Variants in LTBP1 observed in about 807,000 individuals in gnomAD.
The protein encoded by LTBP1 is latent transforming growth factor beta binding protein 1, also known as latent-transforming growth factor beta-binding protein 1.
LTBP1 carries 129 observed loss-of-function variants against 207.6 expected under a neutral mutation model. The observed-to-expected ratio is 0.62, with a 90% CI of 0.54 to 0.72. LTBP1 has a LOEUF of 0.72. Ranked by LOEUF, LTBP1 falls within the 30% of genes least tolerant of loss-of-function variation. LTBP1 has a pLI of 0.00. For missense variants in LTBP1, 2,281 were observed against 2,217.2 expected (o/e 1.03, Z -0.58); for synonymous variants, 963 against 833.7 (o/e 1.16, Z -2.67).
At chr2:33,310,445 C>T (rs1176702496) in intron 23 of LTBP1, among the ~76,000 whole-genome samples, 1 of 152,184 alleles carries the variant, frequency 6.6e-6, no homozygotes, top group Non-Finnish European at 1.5e-5. Context: ...TGAGCTTCTT[C>T]AGTGTGCTGA....
chr2:33,398,636 C>A lies in LTBP1; in HGVS notation c.*91C>A. ...TATACTTGAGACATTGCACCTACCC[C>A]GGAAGGCTGGAAATACAGAAACAGC... On this transcript the variant is annotated 3_prime_UTR_variant, in exon 34 of 34. Coordinates refer to ENST00000404816, the MANE Select transcript of LTBP1 (RefSeq NM_206943.4). 1.6e-6 allele frequency: 2 copies of A among 1,266,788 alleles called. No homozygotes were observed. The highest frequency in any genetic ancestry group is 2.5e-5 in the East Asian group (1 of 39,772). 78.5% of individuals were successfully genotyped at this position (1,266,788 alleles called of 1,614,324 possible).
chr2:33,078,885 A>T (rs1182035489), intron 3 of LTBP1, among the ~76,000 whole-genome samples: 2 of 74,054 alleles, frequency 2.7e-5, no homozygotes, highest in African/African-American at 3.8e-5. Context: ...TTTGAGACAG[A>T]GTCTCGCTCT....
chr2:33,135,673 G>C (rs1558684124), intron 5 of LTBP1, among the ~76,000 whole-genome samples: 1 of 152,124 alleles, frequency 6.6e-6, no homozygotes, highest in Non-Finnish European at 1.5e-5. Flanking sequence ...AAGCCTTGTT[G>C]GTTCATTTTG....
chr2:33,291,882 A>G (rs2148823547), intron 19 of LTBP1: 2 of 152,378 alleles, frequency 1.3e-5, no homozygotes, highest in South Asian at 2.1e-4. Flanking sequence ...TTAAGAGGGT[A>G]GAAAGCTTTG....
intron 21 of LTBP1, 121 bp from the exon 22 acceptor site, chr2:33,301,401 A>AT (rs1276102042): frequency 1.7e-6 from 2 of 1,194,272 alleles, no homozygotes; most frequent in Non-Finnish European, 2.3e-6. Flanking sequence ...GCGACAATAC[A>AT]TGATGGTCAT....
At chr2:33,223,802 G>T (rs2149450529) in intron 9 of LTBP1, among the ~76,000 whole-genome samples, 1 of 152,244 alleles carries the variant, frequency 6.6e-6, no homozygotes, top group African/African-American at 2.4e-5. Flanking sequence ...AACCAAGTTT[G>T]TGAAGGACCT....
At chr2:33,176,184 A>T (rs1443794361) in intron 5 of LTBP1, among the ~76,000 whole-genome samples, 1 of 151,558 alleles carries the variant, frequency 6.6e-6, no homozygotes, top group Non-Finnish European at 1.5e-5. Flanking sequence ...TAGAAAATAA[A>T]TAAAAAGAAA....
chr2:33,266,891 G>A (rs554830233), intron 15 of LTBP1, among the ~76,000 whole-genome samples: 3 of 152,264 alleles, frequency 2.0e-5, no homozygotes, highest in African/African-American at 7.2e-5. Context: ...TGACACAAAC[G>A]GGGCTGAAAC....
intron 24 of LTBP1, among the ~76,000 whole-genome samples, chr2:33,338,085 A>T (rs2094573492): frequency 6.6e-6 from 1 of 152,166 alleles, no homozygotes; most frequent in East Asian, 1.9e-4. Flanking sequence ...CTATTACCTC[A>T]CCTCATTGTT....
At position 33,016,636 on chromosome 2, in the gene LTBP1, C is replaced by T. The variant is rs180850459; in HGVS notation, c.566-4273C>T. 1.5e-3 allele frequency among the ~76,000 whole-genome samples: 236 copies of T among 152,282 alleles called. 2 individuals are homozygous for T. In the South Asian group the frequency reaches 0.029, roughly 18 times the overall value. On this transcript the variant is annotated intron_variant, in intron 2 of 33. Transcript: ENST00000404816. ...TGATAAGATCTTGATATAGCCTCCA[C>T]TCAGCCTCCACTCATCGAGCTGAAC... is the stretch of plus-strand genomic sequence containing the variant.
intron 7 of LTBP1, among the ~76,000 whole-genome samples, chr2:33,189,095 T>C (rs2087543010): frequency 6.6e-6 from 1 of 152,366 alleles, no homozygotes; most frequent in Admixed American, 6.5e-5. Context: ...TGAGATCATA[T>C]GGTCTGTGGA....
Position 32,948,910 on chromosome 2 carries a change from G to A in LTBP1, c.530G>A (p.Trp177Ter). 2 of 1,614,190 alleles carry A rather than the reference G, an allele frequency of 1.2e-6. No individual in the cohort carries two copies. Among genetic ancestry groups the A allele is most frequent in the Middle Eastern group, 1.6e-4 (1 of 6,062 alleles). Residue 177 changes from tryptophan (W) to a stop codon, truncating the protein, a stop_gained, in exon 2 of 34, where the codon TGG becomes TAG. Coordinates refer to ENST00000404816, the MANE Select transcript of LTBP1 (RefSeq NM_206943.4). LOFTEE classifies it high-confidence loss of function. ...NVCGGRCCHG[W>*]SKAPGSQRCT... The stretch of plus-strand genomic sequence containing the variant: ...TGTGGAGGGCGGTGCTGTCATGGCT[G>A]GAGTAAGGCCCCTGGCTCCCAGAGG...
chr2:33,207,422 A>G (rs2089967314), intron 7 of LTBP1, among the ~76,000 whole-genome samples: 1 of 152,202 alleles, frequency 6.6e-6, no homozygotes, highest in Non-Finnish European at 1.5e-5. Context: ...AGCCTGAAAT[A>G]TCAGAGGATT....
intron 2 of LTBP1, among the ~76,000 whole-genome samples, chr2:32,989,704 AT>A (rs1684116355): frequency 6.6e-6 from 1 of 152,220 alleles, no homozygotes; most frequent in Non-Finnish European, 1.5e-5. Context: ...TAGACATGCC[AT>A]CATCAAGGAC....
chr2:33,392,953 C>T (rs2095327601), intron 32 of LTBP1, among the ~76,000 whole-genome samples: 1 of 151,712 alleles, frequency 6.6e-6, no homozygotes. Context: ...GGAGATTCTC[C>T]TGCCTCAGCC....
chr2:32,974,173 C>T (rs961345538), intron 2 of LTBP1, among the ~76,000 whole-genome samples: 2 of 152,146 alleles, frequency 1.3e-5, no homozygotes, highest in Non-Finnish European at 1.5e-5. Context: ...TGAGGAACCT[C>T]CAAACTGTTC....
intron 2 of LTBP1, among the ~76,000 whole-genome samples, chr2:32,954,251 A>G (rs1346785826): frequency 1.3e-5 from 2 of 152,164 alleles, no homozygotes; most frequent in Non-Finnish European, 2.9e-5. Context: ...ACTTCACATC[A>G]TGATTTTCCA....
At chr2:33,174,130 A>G (rs1364213435) in intron 5 of LTBP1, among the ~76,000 whole-genome samples, 7 of 147,912 alleles carry the variant, frequency 4.7e-5, no homozygotes, top group Non-Finnish European at 9.0e-5. Context: ...ACTCCTATTC[A>G]ACATAGTGTT....
intron 7 of LTBP1, among the ~76,000 whole-genome samples, chr2:33,204,504 T>G (rs1165321603): frequency 6.6e-6 from 1 of 152,228 alleles, no homozygotes; most frequent in Non-Finnish European, 1.5e-5. Context: ...TGGTTTAGAA[T>G]CTGCAAGCTC....
Sources: gnomAD v4.1 joint callset for allele counts (sites outside exome capture counted in the v4.1 genomes callset) on GRCh38, gnomAD v4.1.1 for gene constraint, MANE v1.5 for transcripts, NCBI Gene and HGNC (gene_info 2026-07-23, HGNC 2026-07-21) for gene names.